Variants in CASZ1 observed in about 807,000 individuals in gnomAD.
CASZ1 encodes the protein zinc finger protein castor homolog 1.
In CASZ1, 28 loss-of-function variants were observed where a neutral mutation model predicts 135.2. The ratio of observed to expected loss-of-function variants is 0.21; its 90% CI spans 0.15 to 0.28. The LOEUF (loss-of-function observed/expected upper bound fraction) is 0.28. Ranked by LOEUF, CASZ1 falls within the 10% of genes least tolerant of loss-of-function variation. The pLI is 1.00. For missense variants in CASZ1, 2,161 were observed against 2,453.3 expected (o/e 0.88, Z 2.52); for synonymous variants, 1,068 against 1,073.4 (o/e 0.99, Z 0.10).
At chr1:10,696,657 G>A (rs975582025) in intron 3 of CASZ1, among the ~76,000 whole-genome samples, 1 of 152,246 alleles carries the variant, frequency 6.6e-6, no homozygotes, top group East Asian at 1.9e-4. Context: ...TCCTATCTGG[G>A]CAACTGTGTG....
intron 2 of CASZ1, among the ~76,000 whole-genome samples, chr1:10,744,151 C>A (rs1199774474): frequency 1.3e-5 from 2 of 152,070 alleles, no homozygotes; most frequent in Non-Finnish European, 2.9e-5. Context: ...AAAGTTGCTC[C>A]CTCCCCACCC....
At position 10,649,063 on chromosome 1, in the gene CASZ1, T is replaced by C. The variant is rs767192850; in HGVS notation, c.3158+7A>G. The C allele has an allele frequency of 4.3e-6, 7 of 1,612,332 alleles. No individual in the cohort carries two copies. Among genetic ancestry groups the C allele is most frequent in the East Asian group, 4.5e-5 (2 of 44,882 alleles). On this transcript the variant is annotated splice_region_variant and intron_variant, in intron 15 of 20. Coordinates refer to ENST00000377022, the MANE Select transcript of CASZ1 (RefSeq NM_001079843.3). ...TCTGTGGAAATGGCCCCCAGCACCC[T>C]ACTCACTTTGCGTGCTTGATGGCCC...
At position 10,741,332 on chromosome 1, in the gene CASZ1, A is replaced by G. The variant is rs1243381998; in HGVS notation, c.-77+19369T>C. On this transcript the variant is annotated intron_variant, in intron 2 of 20. Transcript: ENST00000377022. The surrounding 1 kb of genome is among the most constrained non-coding windows in gnomAD (Gnocchi z 5.0). ...AGGGCAGGGACTTGTTCAAAGAGGA[A>G]AACAGCAAAGCAAAGCCTGGAAAAG... 6.6e-6 allele frequency among the ~76,000 whole-genome samples: 1 copy of G among 152,158 alleles called. No individual in the cohort carries two copies. The highest frequency in any genetic ancestry group is 2.4e-5 in the African/African-American group (1 of 41,440).
chr1:10,693,833 A>G (rs942675034), intron 4 of CASZ1, 41 bp downstream of exon 4: 4 of 1,596,002 alleles, frequency 2.5e-6, no homozygotes, highest in African/African-American at 1.3e-5. Flanking sequence ...GAAGCGAAAG[A>G]AAAGTGAAAG....
In CASZ1 at chr1:10,727,453, C is replaced by T. The variant is rs930573800; in HGVS notation, c.-76-21909G>A. ...TCACAAACACCCCAGCTCCTTGAAC[C>T]CCCGGGCCCAGGGGATTCAGCACAG... On this transcript the variant is annotated intron_variant, in intron 2 of 20. Coordinates refer to ENST00000377022, the MANE Select transcript of CASZ1 (RefSeq NM_001079843.3). This position sits in a 1 kb window ranked among gnomAD's most constrained non-coding sequence, Gnocchi z 5.3. 6.6e-6 allele frequency among the ~76,000 whole-genome samples: 1 copy of T among 151,978 alleles called. No homozygotes were observed. Among genetic ancestry groups the T allele is most frequent in the African/African-American group, 2.4e-5 (1 of 41,380 alleles).
rs543164053 is a variant in CASZ1 at position 10,774,104 on chromosome 1, G to A, written c.-233-13247C>T. Among the ~76,000 whole-genome samples, 20 of 152,218 alleles carry A rather than the reference G, an allele frequency of 1.3e-4. No individual in the cohort carries two copies. Among genetic ancestry groups the A allele is most frequent in the African/African-American group, 3.9e-4 (16 of 41,542 alleles). On this transcript the variant is annotated intron_variant, in intron 1 of 20. Transcript: ENST00000377022. The surrounding 1 kb of genome is among the most constrained non-coding windows in gnomAD (Gnocchi z 4.4). ...CCAGGTGCTCCTGGGGTCCTCCACC[G>A]CCAGGCCCACAAGGGGCACTGCACT...
intron 2 of CASZ1, among the ~76,000 whole-genome samples, chr1:10,715,708 GAGCACCCAATCCGCTCCCCAC>G (rs1639370945): frequency 4.8e-4 from 20 of 41,586 alleles, no homozygotes; most frequent in Admixed American, 6.2e-4. Context: ...CCACACCCCA[GAGCACCCAATCCGCTCCCCAC>G]AGCACCCAAT....
At chr1:10,751,678 G>C (rs1164760089) in intron 2 of CASZ1, among the ~76,000 whole-genome samples, 1 of 152,196 alleles carries the variant, frequency 6.6e-6, no homozygotes. Context: ...CTCGGGAAGC[G>C]GAAGAGGTTC....
rs746423671 is a variant in CASZ1 at position 10,739,383 on chromosome 1, TGAG to T, written c.-77+21315_-77+21317del. 1.3e-5 allele frequency among the ~76,000 whole-genome samples: 2 copies of T among 151,458 alleles called. No homozygotes were observed. Among genetic ancestry groups the T allele is most frequent in the Non-Finnish European group, 2.9e-5 (2 of 67,824 alleles). ...GGGCCCGGGCCCAGGGTGGCCACGG[TGAG>T]GAGGAGGAGGACCACATGCGCAGGG... On this transcript the variant is annotated intron_variant, in intron 2 of 20. Coordinates refer to ENST00000377022, the MANE Select transcript of CASZ1 (RefSeq NM_001079843.3). The surrounding 1 kb of genome is among the most constrained non-coding windows in gnomAD (Gnocchi z 4.8).
chr1:10,701,711 G>A lies in CASZ1; in HGVS notation c.-24+3781C>T, dbSNP rs1639065040. On this transcript the variant is annotated intron_variant, in intron 3 of 20. Coordinates refer to ENST00000377022, the MANE Select transcript of CASZ1 (RefSeq NM_001079843.3). This position sits in a 1 kb window ranked among gnomAD's most constrained non-coding sequence, Gnocchi z 6.3. ...GAATGAAGACTCGGCCGATCAGGCT[G>A]CTGGTTTGAGGGCTGGCAGCCTTGG... Among the ~76,000 whole-genome samples the A allele has an allele frequency of 6.6e-6, 1 of 152,214 alleles. No homozygotes were observed. The highest frequency in any genetic ancestry group is 1.5e-5 in the Non-Finnish European group (1 of 68,040).
chr1:10,723,527 T>A, intron 2 of CASZ1, among the ~76,000 whole-genome samples: 1 of 152,110 alleles, frequency 6.6e-6, no homozygotes, highest in East Asian at 1.9e-4. Context: ...CCTGCCCCGG[T>A]GCCCAGCCTG....
chr1:10,692,207 G>A (rs1028955489), intron 4 of CASZ1, among the ~76,000 whole-genome samples: 1 of 152,256 alleles, frequency 6.6e-6, no homozygotes, highest in African/African-American at 2.4e-5. Flanking sequence ...GTTGGTGGAT[G>A]GCAGGAGGAT....
At chr1:10,683,246 G>A (rs1293049285) in intron 4 of CASZ1, among the ~76,000 whole-genome samples, 1 of 152,150 alleles carries the variant, frequency 6.6e-6, no homozygotes, top group Non-Finnish European at 1.5e-5. Flanking sequence ...TGTGGGGGAA[G>A]GGCAGCACAA....
In CASZ1 at chr1:10,646,417, C is replaced by A; in HGVS notation, c.3498-91G>T. The stretch of plus-strand genomic sequence containing the variant: ...TTCACTTGTGTTGGAGTTCACTCCC[C>A]CACGACCAGCGGTACCACCAAGAGG... On this transcript the variant is annotated intron_variant, in intron 16 of 20. Coordinates refer to ENST00000377022, the MANE Select transcript of CASZ1 (RefSeq NM_001079843.3). The surrounding 1 kb of genome is among the most constrained non-coding windows in gnomAD (Gnocchi z 6.4). 3.3e-6 allele frequency: 4 copies of A among 1,223,816 alleles called. No homozygotes were observed. The highest frequency in any genetic ancestry group is 1.5e-5 in the African/African-American group (1 of 67,506). 75.8% of individuals were successfully genotyped at this position (1,223,816 alleles called of 1,614,324 possible).
Position 10,639,845 on chromosome 1 carries a change from G to A in CASZ1, c.4377C>T (p.Cys1459=). 6.2e-7 allele frequency: 1 copy of A among 1,611,904 alleles called. No homozygotes were observed. The highest frequency in any genetic ancestry group is 8.5e-7 in the Non-Finnish European group (1 of 1,179,514). Residue 1459 remains cysteine (C), a synonymous_variant, in exon 21 of 21, where the codon TGC becomes TGT. Coordinates refer to ENST00000377022, the MANE Select transcript of CASZ1 (RefSeq NM_001079843.3). This position sits in a 1 kb window ranked among gnomAD's most constrained non-coding sequence, Gnocchi z 4.0. The part of the protein sequence containing the change: ...QFSLKVTHYH[C]TRENCGYKFC... ...ACTTGTAGCCGCAGTTCTCGCGCGT[G>A]CAGTGGTAGTGGGTGACCTTGAGCG... is the stretch of plus-strand genomic sequence containing the variant.
intron 2 of CASZ1, among the ~76,000 whole-genome samples, chr1:10,715,786 A>AC (rs1258064469): frequency 1.7e-4 from 5 of 30,054 alleles, no homozygotes; most frequent in Admixed American, 7.7e-4. Flanking sequence ...CCCAATCCAC[A>AC]CCCACAGCAC....
Position 10,757,028 on chromosome 1 carries a change from T to C in CASZ1, c.-77+3673A>G, listed in dbSNP as rs1474281311. 6.6e-6 allele frequency among the ~76,000 whole-genome samples: 1 copy of C among 152,140 alleles called. No individual in the cohort carries two copies. The highest frequency in any genetic ancestry group is 1.9e-4 in the East Asian group (1 of 5,184). ...CAGTGCAGAGCCAGGGCTGAAAGGATAGTGTGTGTCCTGGCCTGCTCCCAG... is the reference window on the plus strand; with the variant it reads ...CAGTGCAGAGCCAGGGCTGAAAGGACAGTGTGTGTCCTGGCCTGCTCCCAG... On this transcript the variant is annotated intron_variant, in intron 2 of 20. Coordinates refer to ENST00000377022, the MANE Select transcript of CASZ1 (RefSeq NM_001079843.3). The surrounding 1 kb of genome is among the most constrained non-coding windows in gnomAD (Gnocchi z 4.6).
rs757464241 is a variant in CASZ1 at position 10,774,854 on chromosome 1, A to G, written c.-233-13997T>C. Among the ~76,000 whole-genome samples the G allele has an allele frequency of 6.6e-5, 10 of 152,158 alleles. No homozygotes were observed. The highest frequency in any genetic ancestry group is 3.2e-3 in the Middle Eastern group (1 of 316). Reference sequence around the variant, plus strand: ...CTCCCGCGGTCTTACAGACAAGGGAATGAATCCCCACGTGTCTCCTGCAAC... The same window carrying G: ...CTCCCGCGGTCTTACAGACAAGGGAGTGAATCCCCACGTGTCTCCTGCAAC... On this transcript the variant is annotated intron_variant, in intron 1 of 20. Coordinates refer to ENST00000377022, the MANE Select transcript of CASZ1 (RefSeq NM_001079843.3). The surrounding 1 kb of genome is among the most constrained non-coding windows in gnomAD (Gnocchi z 4.4).
rs1232888039 is a variant in CASZ1, at chr1:10,774,926, C to G, written c.-233-14069G>C. On this transcript the variant is annotated intron_variant, in intron 1 of 20. Coordinates refer to ENST00000377022, the MANE Select transcript of CASZ1 (RefSeq NM_001079843.3). The surrounding 1 kb of genome is among the most constrained non-coding windows in gnomAD (Gnocchi z 4.4). ...TCCAGACTCCTCCAGTCTCTCTACT[C>G]TGGCCCTGCCAGAATCAACAGTTTA... Among the ~76,000 whole-genome samples the G allele has an allele frequency of 6.6e-6, 1 of 152,196 alleles. No individual in the cohort carries two copies. The highest frequency in any genetic ancestry group is 1.5e-5 in the Non-Finnish European group (1 of 68,028).
Sources: gnomAD v4.1 joint callset for allele counts (sites outside exome capture counted in the v4.1 genomes callset) on GRCh38, gnomAD v4.1.1 for gene constraint, Gnocchi (gnomAD v3.1) non-coding constraint, MANE v1.5 for transcripts, NCBI Gene and HGNC (gene_info 2026-07-23, HGNC 2026-07-21) for gene names.